HS6ST3: variants seen among roughly 807,000 people sequenced by gnomAD.
HS6ST3 encodes heparan-sulfate 6-O-sulfotransferase 3.
HS6ST3 carries 12 observed loss-of-function variants against 36.7 expected under a neutral mutation model. The observed-to-expected ratio is 0.33, with a 90% CI of 0.21 to 0.53. HS6ST3 has a LOEUF of 0.53. HS6ST3 is among the 20% of genes least tolerant of loss of function. The pLI, the probability that HS6ST3 is intolerant of heterozygous loss-of-function variation, is 0.95. For synonymous variants in HS6ST3, 240 were observed against 257.5 expected, an observed-to-expected ratio of 0.93 and a Z score of 0.65; for missense variants, 584 against 640.9, an observed-to-expected ratio of 0.91 and a Z score of 0.96.
chr13:96,759,612 A>G (rs956224187), intron 1 of HS6ST3, among the ~76,000 whole-genome samples: 2 of 151,938 alleles, frequency 1.3e-5, no homozygotes, highest in African/African-American at 2.4e-5. Flanking sequence ...TTTTAAATCT[A>G]CATATGTTGT....
intron 1 of HS6ST3, among the ~76,000 whole-genome samples, chr13:96,355,467 C>A (rs2055205987): frequency 2.6e-5 from 4 of 151,560 alleles, no homozygotes; most frequent in Admixed American, 2.6e-4. Context: ...TGACTGCCAC[C>A]ATAAAGTAAA....
chr13:96,236,896 T>C (rs2054537107), intron 1 of HS6ST3, among the ~76,000 whole-genome samples: 1 of 152,184 alleles, frequency 6.6e-6, no homozygotes, highest in African/African-American at 2.4e-5. Flanking sequence ...TTTGAAGAAA[T>C]ACCCAAGACT....
rs978363045 is a variant in HS6ST3 at position 96,151,187 on chromosome 13, T to C, written c.707+59618T>C. 1.1e-4 allele frequency among the ~76,000 whole-genome samples: 16 copies of C among 152,108 alleles called. No homozygotes were observed. In the East Asian group the frequency reaches 3.1e-3, roughly 29 times the overall value. ...GGGAAGCCAAGGTGGGTAGATCACC[T>C]GAGGTCAGGAGTTTGAGATCAGCCT... On this transcript the variant is annotated intron_variant, in intron 1 of 1. Coordinates refer to ENST00000376705, the MANE Select transcript of HS6ST3 (RefSeq NM_153456.4).
intron 1 of HS6ST3, among the ~76,000 whole-genome samples, chr13:96,706,411 TTTTATATATATATA>T (rs1875423574): frequency 1.0e-5 from 1 of 99,958 alleles, no homozygotes; most frequent in Non-Finnish European, 1.8e-5. Flanking sequence ...ATAGAATATA[TTTTATATATATATA>T]TATATATATA....
intron 1 of HS6ST3, among the ~76,000 whole-genome samples, chr13:96,204,417 C>T (rs572367063): frequency 1.3e-5 from 2 of 152,136 alleles, no homozygotes; most frequent in African/African-American, 4.8e-5. Context: ...GATTTTAATG[C>T]CCCACTGACA....
chr13:96,813,688 T>C (rs1233348872), intron 1 of HS6ST3, among the ~76,000 whole-genome samples: 1 of 152,166 alleles, frequency 6.6e-6, no homozygotes, highest in African/African-American at 2.4e-5. Context: ...GCCTTCAATG[T>C]AGCATAGACT....
chr13:96,104,672 A>G (rs775041606), intron 1 of HS6ST3, among the ~76,000 whole-genome samples: 2 of 152,206 alleles, frequency 1.3e-5, no homozygotes, highest in Non-Finnish European at 2.9e-5. Flanking sequence ...GACACCAGAC[A>G]ACTGCCCCAG....
chr13:96,101,656 A>G (rs1489879743), intron 1 of HS6ST3, among the ~76,000 whole-genome samples: 1 of 152,172 alleles, frequency 6.6e-6, no homozygotes, highest in Non-Finnish European at 1.5e-5. Context: ...TTTATAGATG[A>G]CAAAATGCAT....
intron 1 of HS6ST3, among the ~76,000 whole-genome samples, chr13:96,512,486 T>G (rs2056053743): frequency 6.6e-6 from 1 of 152,226 alleles, no homozygotes; most frequent in African/African-American, 2.4e-5. Context: ...AATGAATAAT[T>G]GACTACTCCT....
At chr13:96,262,669 C>T (rs1256669005) in intron 1 of HS6ST3, among the ~76,000 whole-genome samples, 1 of 152,188 alleles carries the variant, frequency 6.6e-6, no homozygotes, top group African/African-American at 2.4e-5. Flanking sequence ...GCTAACCTGA[C>T]TGTTGTACTC....
chr13:96,248,724 T>C (rs963026566), intron 1 of HS6ST3, among the ~76,000 whole-genome samples: 4 of 152,212 alleles, frequency 2.6e-5, no homozygotes, highest in African/African-American at 9.6e-5. Flanking sequence ...TGGGAACATA[T>C]TAATTTTCCC....
chr13:96,316,269 G>C (rs9582043), intron 1 of HS6ST3, among the ~76,000 whole-genome samples: 1 of 88,134 alleles, frequency 1.1e-5, no homozygotes, highest in African/African-American at 4.2e-5. Context: ...GTGTGTGTGT[G>C]TGTGTGTGTG....
chr13:96,169,435 A>G (rs1181995384), intron 1 of HS6ST3: 1 of 152,470 alleles, frequency 6.6e-6, no homozygotes, highest in Non-Finnish European at 1.5e-5. Flanking sequence ...GGAATCACAG[A>G]GCGGAAAGGA....
intron 1 of HS6ST3, among the ~76,000 whole-genome samples, chr13:96,563,055 A>AT (rs2056268457): frequency 2.6e-5 from 4 of 152,082 alleles, no homozygotes. Context: ...AAAAAAAAAA[A>AT]AAAAGTCCAA....
At chr13:96,552,268 T>G (rs1008754181) in intron 1 of HS6ST3, among the ~76,000 whole-genome samples, 15 of 152,094 alleles carry the variant, frequency 9.9e-5, no homozygotes, top group African/African-American at 3.6e-4. Flanking sequence ...TCTTTTGTAT[T>G]TTTCCTGACC....
chr13:96,580,376 C>G (rs1170116041), intron 1 of HS6ST3, among the ~76,000 whole-genome samples: 1 of 139,942 alleles, frequency 7.1e-6, no homozygotes, highest in Non-Finnish European at 1.5e-5. Context: ...ATGTTTGCTA[C>G]TTTGGTCAAC....
intron 1 of HS6ST3, among the ~76,000 whole-genome samples, chr13:96,371,745 A>G (rs1028423840): frequency 1.3e-5 from 2 of 152,206 alleles, no homozygotes. Flanking sequence ...TATTTTTAGC[A>G]TAATATCTGC....
intron 1 of HS6ST3, among the ~76,000 whole-genome samples, chr13:96,276,096 C>T (rs2054747272): frequency 6.6e-6 from 1 of 152,086 alleles, no homozygotes; most frequent in African/African-American, 2.4e-5. Context: ...CCTTGCCATT[C>T]CCAGCATGCC....
intron 1 of HS6ST3, among the ~76,000 whole-genome samples, chr13:96,692,077 G>A (rs595202): frequency 0.99 from 149,977 of 152,254 alleles, 73,904 homozygotes; most frequent in Middle Eastern, 1. Flanking sequence ...AAGATTGATC[G>A]TTTGGTAATT....
Sources: allele counts gnomAD v4.1 joint callset (sites outside exome capture counted in the v4.1 genomes callset), GRCh38; gene constraint gnomAD v4.1.1; transcripts MANE v1.5; gene names NCBI Gene and HGNC (gene_info 2026-07-23, HGNC 2026-07-21).